STXBP5L: variants seen among roughly 807,000 people sequenced by gnomAD.
STXBP5L encodes the protein syntaxin-binding protein 5-like.
STXBP5L carries 65 observed loss-of-function variants against 144.5 expected under a neutral mutation model. The observed-to-expected ratio is 0.45, with a 90% CI of 0.37 to 0.55. STXBP5L has a LOEUF of 0.55. Ranked by LOEUF, STXBP5L falls within the 20% of genes least tolerant of loss-of-function variation. STXBP5L has a pLI of 0.00. For missense variants in STXBP5L, 1,298 were observed against 1,405.5 expected (o/e 0.92, Z 1.22); for synonymous variants, 505 against 469.6 (o/e 1.08, Z -0.97).
intron 22 of STXBP5L, among the ~76,000 whole-genome samples, chr3:121,399,021 C>T (rs1015837045): frequency 6.6e-6 from 1 of 152,102 alleles, no homozygotes; most frequent in Admixed American, 6.6e-5. Flanking sequence ...GGTCAGGCCA[C>T]TCTTTTTCTT....
intron 9 of STXBP5L, among the ~76,000 whole-genome samples, chr3:121,191,581 T>C (rs926477928): frequency 2.0e-5 from 3 of 151,970 alleles, no homozygotes; most frequent in Non-Finnish European, 2.9e-5. Context: ...AGTTTTTTTT[T>C]CCAATTCTGT....
At chr3:121,005,824 A>G (rs1461132295) in intron 3 of STXBP5L, among the ~76,000 whole-genome samples, 1 of 152,232 alleles carries the variant, frequency 6.6e-6, no homozygotes, top group African/African-American at 2.4e-5. Flanking sequence ...GTAGTCATTC[A>G]GGAGCAGGTT....
Position 121,239,023 on chromosome 3 carries a change from A to T in STXBP5L, c.1237A>T (p.Thr413Ser). ...CATGGACATTCATGAATCACCAGTTACATGCACAGCATACTTTGCAGATTG... is the reference window on the plus strand; with the variant it reads ...CATGGACATTCATGAATCACCAGTTTCATGCACAGCATACTTTGCAGATTG... ...YPMDIHESPV[T>S]CTAYFADCPP... is the part of the protein sequence containing the mutation. The change falls in exon 13 of 27, where the codon ACA (threonine) becomes TCA (serine). Residue 413 changes from threonine (T) to serine (S), a missense_variant. Coordinates refer to ENST00000471454, the MANE Select transcript of STXBP5L (RefSeq NM_001308330.2). The T allele has an allele frequency of 6.2e-7, 1 of 1,610,210 alleles. No homozygotes were observed. Among genetic ancestry groups the T allele is most frequent in the East Asian group, 2.3e-5 (1 of 44,422 alleles).
intron 19 of STXBP5L, among the ~76,000 whole-genome samples, chr3:121,285,618 C>T (rs2051205603): frequency 6.6e-6 from 1 of 152,008 alleles, no homozygotes; most frequent in South Asian, 2.1e-4. Flanking sequence ...TGAAAGAAAA[C>T]TTTCGTGTTC....
At chr3:121,096,959 G>A (rs7637100) in intron 5 of STXBP5L, among the ~76,000 whole-genome samples, 1 of 151,596 alleles carries the variant, frequency 6.6e-6, no homozygotes, top group Non-Finnish European at 1.5e-5. Flanking sequence ...CCCCTTCCCC[G>A]AGGTGCTCTG....
chr3:121,412,854 C>A (rs1370156159), intron 23 of STXBP5L, among the ~76,000 whole-genome samples: 1 of 150,654 alleles, frequency 6.6e-6, no homozygotes, highest in African/African-American at 2.4e-5. Context: ...GCCAACATGG[C>A]AAAACCCTGT....
chr3:121,370,443 T>C (rs1165214630), intron 20 of STXBP5L, among the ~76,000 whole-genome samples: 4 of 152,190 alleles, frequency 2.6e-5, no homozygotes, highest in Non-Finnish European at 5.9e-5. Flanking sequence ...TCCACCATGA[T>C]TGTAAGTTTC....
At chr3:120,990,342 T>G (rs1275647309) in intron 3 of STXBP5L, among the ~76,000 whole-genome samples, 1 of 152,198 alleles carries the variant, frequency 6.6e-6, no homozygotes, top group Non-Finnish European at 1.5e-5. Context: ...TCCTTGCTCA[T>G]GGATAGGAAG....
intron 22 of STXBP5L, among the ~76,000 whole-genome samples, chr3:121,397,953 C>T (rs571618650): frequency 1.3e-5 from 2 of 152,198 alleles, no homozygotes; most frequent in Non-Finnish European, 2.9e-5. Flanking sequence ...ATCTACCAAA[C>T]CTTTAAATTT....
chr3:121,218,201 TAC>T, intron 10 of STXBP5L, among the ~76,000 whole-genome samples: 1 of 142,744 alleles, frequency 7.0e-6, no homozygotes, highest in African/African-American at 2.6e-5. Context: ...GTATATATAT[TAC>T]TATATACTAT....
intron 22 of STXBP5L, among the ~76,000 whole-genome samples, chr3:121,401,063 G>C (rs1184017494): frequency 6.6e-6 from 1 of 151,874 alleles, no homozygotes; most frequent in South Asian, 2.1e-4. Context: ...TGAAATCCAA[G>C]AGCAGGCAGT....
chr3:121,404,992 G>T (rs1263053231), intron 22 of STXBP5L, among the ~76,000 whole-genome samples: 1 of 152,110 alleles, frequency 6.6e-6, no homozygotes, highest in Non-Finnish European at 1.5e-5. Context: ...GTTGCAGATG[G>T]CTGCCTTCTT....
chr3:121,103,508 T>C (rs760198915), intron 5 of STXBP5L, among the ~76,000 whole-genome samples: 3 of 152,014 alleles, frequency 2.0e-5, no homozygotes, highest in Admixed American at 1.3e-4. Context: ...GGATAAAAGA[T>C]GGCAAAAATA....
chr3:120,980,546 T>G (rs931313905), intron 3 of STXBP5L, among the ~76,000 whole-genome samples: 8 of 152,112 alleles, frequency 5.3e-5, no homozygotes, highest in Non-Finnish European at 1.0e-4. Context: ...GGTTTCCATT[T>G]GCATAAAATA....
intron 2 of STXBP5L, among the ~76,000 whole-genome samples, chr3:120,938,466 T>C (rs1710383908): frequency 6.6e-6 from 1 of 152,188 alleles, no homozygotes; most frequent in Non-Finnish European, 1.5e-5. Flanking sequence ...AGCATATTTT[T>C]AAAGGTTTTT....
intron 3 of STXBP5L, among the ~76,000 whole-genome samples, chr3:121,039,904 C>T (rs1482926796): frequency 6.6e-6 from 1 of 151,678 alleles, no homozygotes; most frequent in Non-Finnish European, 1.5e-5. Context: ...TTCACTAATC[C>T]TCAATGAATT....
intron 5 of STXBP5L, among the ~76,000 whole-genome samples, chr3:121,084,081 T>C (rs2042377703): frequency 6.6e-6 from 1 of 152,068 alleles, no homozygotes; most frequent in South Asian, 2.1e-4. Flanking sequence ...TCAATTTTGT[T>C]GATTTTTGCT....
At chr3:121,094,778 A>C (rs545163612) in intron 5 of STXBP5L, among the ~76,000 whole-genome samples, 2 of 152,044 alleles carry the variant, frequency 1.3e-5, no homozygotes, top group East Asian at 1.9e-4. Flanking sequence ...TTACATTGAA[A>C]GTTAATATTG....
chr3:121,067,746 T>C (rs1033160491), intron 5 of STXBP5L, among the ~76,000 whole-genome samples: 3 of 152,178 alleles, frequency 2.0e-5, no homozygotes, highest in African/African-American at 7.2e-5. Context: ...AGAATTTCTC[T>C]TTTTAGTAGT....
Sources: allele counts gnomAD v4.1 joint callset (sites outside exome capture counted in the v4.1 genomes callset), GRCh38; gene constraint gnomAD v4.1.1; transcripts MANE v1.5; gene names NCBI Gene and HGNC (gene_info 2026-07-23, HGNC 2026-07-21).